Variants in CD80 observed in about 807,000 individuals in gnomAD.
CD80 encodes T-lymphocyte activation antigen CD80.
Under a neutral mutation model 27.1 loss-of-function variants are expected in CD80, and 13 were observed. The ratio of observed to expected loss-of-function variants is 0.48; its 90% confidence interval spans 0.31 to 0.76. CD80 has a LOEUF of 0.76. CD80 is among the 30% of genes least tolerant of loss of function. CD80 has a pLI of 0.04. For synonymous variants in CD80, 125 were observed against 125.5 expected (o/e 1.00, Z 0.03); for missense variants, 277 against 347.9 (o/e 0.80, Z 1.62).
intron 6 of CD80, among the ~76,000 whole-genome samples, chr3:119,527,285 T>C (rs2082072294): frequency 6.6e-6 from 1 of 152,134 alleles, no homozygotes; most frequent in African/African-American, 2.4e-5. Flanking sequence ...TAATTCTTTG[T>C]GAAATTTGGC....
chr3:119,526,362 A>G (rs1161100168), intron 6 of CD80, among the ~76,000 whole-genome samples: 1 of 152,210 alleles, frequency 6.6e-6, no homozygotes, highest in East Asian at 1.9e-4. Context: ...GACTGAGCAG[A>G]AGACTTTTTA....
At chr3:119,538,888 G>A (rs942061054) in intron 3 of CD80, among the ~76,000 whole-genome samples, 13 of 152,114 alleles carry the variant, frequency 8.5e-5, no homozygotes, top group African/African-American at 3.1e-4. Flanking sequence ...GTGTGAGTGG[G>A]GGGCAGGCAT....
At chr3:119,550,243 G>T (rs191495237) in intron 2 of CD80, among the ~76,000 whole-genome samples, 1 of 152,242 alleles carries the variant, frequency 6.6e-6, no homozygotes, top group Non-Finnish European at 1.5e-5. Flanking sequence ...CAATAATAGG[G>T]TCTTTCCCCA....
intron 4 of CD80, among the ~76,000 whole-genome samples, chr3:119,533,289 A>G (rs2082119400): frequency 6.6e-6 from 1 of 152,266 alleles, no homozygotes; most frequent in African/African-American, 2.4e-5. Flanking sequence ...GTAGCTTATT[A>G]GATACCATGA....
Position 119,537,398 on chromosome 3 carries a change from T to G in CD80, c.439A>C (p.Ile147Leu). The change falls in exon 4 of 7, where the codon ATA (isoleucine) becomes CTA (leucine). Residue 147 changes from isoleucine (I) to leucine (L), a missense_variant. Physicochemically the swap from Ile to Leu is conservative, Grantham distance 5 (BLOSUM62 2). Transcript: ENST00000264246. ...GAAGTTGGAATTTCAAAGTCAGATA[T>G]ACTAGGTGTAGGGAAGTCAGCTAAA... ...SVKADFPTPS[I>L]SDFEIPTSNI... 1.2e-6 allele frequency: 2 copies of G among 1,608,406 alleles called. No individual in the cohort carries two copies. The highest frequency in any genetic ancestry group is 1.7e-6 in the Non-Finnish European group (2 of 1,174,860).
At chr3:119,535,675 C>A (rs1230024369) in intron 4 of CD80, among the ~76,000 whole-genome samples, 2 of 152,132 alleles carry the variant, frequency 1.3e-5, no homozygotes, top group Non-Finnish European at 2.9e-5. Flanking sequence ...AAAATGACCT[C>A]TTTTCAGGCG....
intron 4 of CD80, among the ~76,000 whole-genome samples, chr3:119,532,822 A>T (rs569967641): frequency 4.6e-5 from 7 of 152,166 alleles, no homozygotes; most frequent in Admixed American, 4.6e-4. Flanking sequence ...GTAGCCTGCA[A>T]ACCGGTCTCT....
rs1427464934 is a variant in CD80, at chr3:119,529,806, G to A, written c.796+36C>T. ...CATGGTAATAAAGTTTGATCTTCCA[G>A]AATTGAGATCAGGATGATGGTATGA... On this transcript the variant is annotated intron_variant, in intron 5 of 6. Coordinates refer to ENST00000264246, the MANE Select transcript of CD80 (RefSeq NM_005191.4). The A allele has an allele frequency of 2.2e-6, 3 of 1,390,402 alleles. No individual in the cohort carries two copies. In the African/African-American group the frequency reaches 4.3e-5, roughly 20 times the overall value. 86.1% of individuals were successfully genotyped at this position (1,390,402 alleles called of 1,614,324 possible). A position where few individuals can be genotyped will look rare whatever the true frequency, so the allele number is the denominator to read the frequency against.
At chr3:119,548,257 C>T (rs1466983164) in intron 2 of CD80, among the ~76,000 whole-genome samples, 3 of 152,166 alleles carry the variant, frequency 2.0e-5, no homozygotes, top group Non-Finnish European at 4.4e-5. Flanking sequence ...GCTGGGATTA[C>T]AAGTGTGAGC....
chr3:119,554,764 A>G (rs1037776172), intron 2 of CD80, among the ~76,000 whole-genome samples: 1 of 152,094 alleles, frequency 6.6e-6, no homozygotes, highest in African/African-American at 2.4e-5. Context: ...GCACACTCAC[A>G]CCTACACTCC....
chr3:119,536,088 A>G (rs375796943), intron 4 of CD80, among the ~76,000 whole-genome samples: 202 of 151,892 alleles, frequency 1.3e-3, no homozygotes, highest in African/African-American at 4.7e-3. Context: ...CATCTCCACT[A>G]AAGATAGAAA....
At chr3:119,555,358 G>A (rs1031462989) in intron 2 of CD80, among the ~76,000 whole-genome samples, 1 of 152,128 alleles carries the variant, frequency 6.6e-6, no homozygotes, top group African/African-American at 2.4e-5. Context: ...TATCATTACA[G>A]TATTATGCAA....
chr3:119,549,295 A>T (rs1256505388), intron 2 of CD80, among the ~76,000 whole-genome samples: 1 of 152,194 alleles, frequency 6.6e-6, no homozygotes, highest in Non-Finnish European at 1.5e-5. Flanking sequence ...CTCCATCCAC[A>T]TAGCCAAGAA....
chr3:119,556,256 C>T (rs944534129), intron 2 of CD80, among the ~76,000 whole-genome samples: 3 of 152,146 alleles, frequency 2.0e-5, no homozygotes, highest in African/African-American at 7.2e-5. Context: ...TTCCACTTAC[C>T]TCTGACCCTA....
intron 2 of CD80, among the ~76,000 whole-genome samples, chr3:119,549,334 C>T (rs1329000835): frequency 1.3e-5 from 2 of 152,218 alleles, no homozygotes; most frequent in African/African-American, 2.4e-5. Flanking sequence ...CTAAACTAGT[C>T]TCTGTGTCAA....
intron 3 of CD80, among the ~76,000 whole-genome samples, chr3:119,540,229 G>A (rs746388931): frequency 1.3e-5 from 2 of 152,182 alleles, no homozygotes; most frequent in African/African-American, 2.4e-5. Context: ...GATTACAGGC[G>A]TGAGCCACCA....
chr3:119,555,847 A>T (rs563765695), intron 2 of CD80, among the ~76,000 whole-genome samples: 127 of 152,330 alleles, frequency 8.3e-4, no homozygotes, highest in Middle Eastern at 3.4e-3. Flanking sequence ...AAATGATTAA[A>T]CAAAAGAATG....
chr3:119,538,029 G>T (rs568539581), intron 3 of CD80, among the ~76,000 whole-genome samples: 6 of 152,276 alleles, frequency 3.9e-5, no homozygotes, highest in South Asian at 4.2e-4. Context: ...ATGAAGAGAA[G>T]AATAATAGAC....
chr3:119,556,492 G>A (rs1385521), intron 2 of CD80, among the ~76,000 whole-genome samples: 5,826 of 149,532 alleles, frequency 0.039, 155 homozygotes, highest in Non-Finnish European at 0.056. Flanking sequence ...GTAACTGTTG[G>A]AAATGTAATG....
Sources: gnomAD v4.1 joint callset for allele counts (sites outside exome capture counted in the v4.1 genomes callset) on GRCh38, gnomAD v4.1.1 for gene constraint, MANE v1.5 for transcripts, NCBI Gene and HGNC (gene_info 2026-07-23, HGNC 2026-07-21) for gene names.